The following PDZD8 variants were observed in gnomAD, a reference collection of about 807,000 sequenced individuals.
PDZD8 encodes PDZ domain containing 8, also known as PDZ domain-containing protein 8.
Under a neutral mutation model 85.8 loss-of-function variants are expected in PDZD8, and 14 were observed. That is an observed-to-expected ratio of 0.16 (90% CI 0.11 to 0.26). The LOEUF is 0.26. PDZD8 is among the 10% of genes least tolerant of loss of function. The probability of loss-of-function intolerance (pLI) is 1.00; values close to 1 mark genes in which losing one functional copy is unlikely to be tolerated. For missense variants in PDZD8, 1,197 were observed against 1,424.3 expected, an observed-to-expected ratio of 0.84 and a Z score of 2.57; for synonymous variants, 592 against 568.6, an observed-to-expected ratio of 1.04 and a Z score of -0.59.
chr10:117,312,263 G>A (rs1326613713), intron 3 of PDZD8, among the ~76,000 whole-genome samples: 7 of 152,132 alleles, frequency 4.6e-5, no homozygotes, highest in Admixed American at 3.9e-4. Context: ...CAAGTGTGGA[G>A]GAGTGAAAGC....
At chr10:117,285,804 A>G (rs1844652363) in intron 4 of PDZD8, 1 of 926,126 alleles carries the variant, frequency 1.1e-6, no homozygotes, top group Non-Finnish European at 1.3e-6. Flanking sequence ...TTTGAACTGA[A>G]GAAGTGAACA....
At chr10:117,353,506 T>C (rs566812967) in intron 1 of PDZD8, among the ~76,000 whole-genome samples, 1 of 150,680 alleles carries the variant, frequency 6.6e-6, no homozygotes, top group East Asian at 2.0e-4. Context: ...AGGAACACTA[T>C]GAAAGTCATT....
chr10:117,306,940 A>T (rs1843953882), intron 3 of PDZD8, among the ~76,000 whole-genome samples: 2 of 152,146 alleles, frequency 1.3e-5, no homozygotes, highest in Non-Finnish European at 2.9e-5. Context: ...TAACTGCCAG[A>T]GTTAGAAAGC....
chr10:117,341,134 G>A lies in PDZD8; in HGVS notation c.873-32C>T, dbSNP rs369103043. ...AAAGTAAAGATAAGTCTAAATGTCTGAATAATAAACACCACAGTTTAAAGC... is the reference window on the plus strand; with the variant it reads ...AAAGTAAAGATAAGTCTAAATGTCTAAATAATAAACACCACAGTTTAAAGC... On this transcript the variant is annotated intron_variant, in intron 1 of 4. Coordinates refer to ENST00000334464, the MANE Select transcript of PDZD8 (RefSeq NM_173791.5). The A allele has an allele frequency of 7.8e-5, 125 of 1,602,080 alleles. No individual in the cohort carries two copies. The African/African-American group carries it at 1.4e-3, about 19-fold the overall frequency.
intron 4 of PDZD8, among the ~76,000 whole-genome samples, chr10:117,287,493 C>G (rs1844685993): frequency 6.6e-6 from 1 of 152,190 alleles, no homozygotes; most frequent in African/African-American, 2.4e-5. Flanking sequence ...TCCTTTGGGA[C>G]TAAATATTCA....
At chr10:117,328,624 C>T (rs1021331302) in intron 2 of PDZD8, among the ~76,000 whole-genome samples, 1 of 151,936 alleles carries the variant, frequency 6.6e-6, no homozygotes, top group Non-Finnish European at 1.5e-5. Context: ...CACTATGTTG[C>T]CTCAAACTCT....
intron 1 of PDZD8, among the ~76,000 whole-genome samples, chr10:117,365,635 C>T (rs754811686): frequency 2.6e-5 from 4 of 152,050 alleles, no homozygotes; most frequent in Admixed American, 6.6e-5. Context: ...AAATAATTAA[C>T]GTGCATATCA....
chr10:117,316,742 T>C (rs1173142222), intron 3 of PDZD8, among the ~76,000 whole-genome samples: 1 of 152,162 alleles, frequency 6.6e-6, no homozygotes, highest in African/African-American at 2.4e-5. Flanking sequence ...TCTTGTGGAC[T>C]GGCTACATAA....
At chr10:117,312,143 T>G (rs1844049301) in intron 3 of PDZD8, among the ~76,000 whole-genome samples, 1 of 152,042 alleles carries the variant, frequency 6.6e-6, no homozygotes, top group South Asian at 2.1e-4. Flanking sequence ...AGCTAAGGTC[T>G]AACACAAGCA....
In PDZD8 at chr10:117,279,272, TG is replaced by T. The variant is rs1219288948; in HGVS notation, c.*3995del. 1.3e-5 allele frequency: 2 copies of T among 152,238 alleles called. No individual in the cohort carries two copies. The highest frequency in any genetic ancestry group is 3.8e-4 in the East Asian group (2 of 5,202). The allele number at this position is 152,238 out of a possible 1,614,324, so 9.4% of individuals were successfully genotyped here. A position where few individuals can be genotyped will look rare whatever the true frequency, so the allele number is the denominator to read the frequency against. On this transcript the variant is annotated 3_prime_UTR_variant, in exon 5 of 5. Transcript: ENST00000334464. ...CCAGAACAAAGAACATACAGCTCTC[TG>T]AACATTTATTTTTTGAACAGAGGTG...
chr10:117,331,262 A>T (rs1303685275), intron 2 of PDZD8, among the ~76,000 whole-genome samples: 1 of 152,208 alleles, frequency 6.6e-6, no homozygotes, highest in East Asian at 1.9e-4. Flanking sequence ...TAGTTGAAGC[A>T]GCTAACATTT....
chr10:117,283,185 C>T lies in PDZD8; in HGVS notation c.*83G>A, dbSNP rs575465203. The T allele has an allele frequency of 2.5e-5, 34 of 1,377,944 alleles. 1 individual carries two copies. The highest frequency in any genetic ancestry group is 5.8e-5 in the African/African-American group (4 of 68,934). 85.4% of individuals were successfully genotyped at this position (1,377,944 alleles called of 1,614,324 possible). ...CTGGAGAAGCAGGCCAGAGTGCATACGAGGATTTAAACATGGTTGTATCTG... is the reference window on the plus strand; with the variant it reads ...CTGGAGAAGCAGGCCAGAGTGCATATGAGGATTTAAACATGGTTGTATCTG... On this transcript the variant is annotated 3_prime_UTR_variant, in exon 5 of 5. Transcript: ENST00000334464.
intron 3 of PDZD8, among the ~76,000 whole-genome samples, chr10:117,305,487 C>T (rs866148109): frequency 7.3e-6 from 1 of 136,578 alleles, no homozygotes; most frequent in African/African-American, 2.8e-5. Flanking sequence ...CACACACACA[C>T]ACACACACAC....
intron 3 of PDZD8, among the ~76,000 whole-genome samples, chr10:117,317,721 C>G (rs1172808877): frequency 6.6e-6 from 1 of 152,148 alleles, no homozygotes; most frequent in South Asian, 2.1e-4. Flanking sequence ...CTAGTTATTT[C>G]AATCTTCTGA....
chr10:117,375,104 C>T lies in PDZD8; in HGVS notation c.124G>A (p.Gly42Ser), dbSNP rs115239541. ...EPPADEAARA[G>S]EGFRYIKPVP... ...GGCTTGATGTAGCGGAAGCCCTCGC[C>T]CGCGCGGGCGGCCTCGTCCGCCGGC... The change falls in exon 1 of 5, where the codon GGC becomes AGC. Residue 42 changes from glycine (G) to serine (S), a missense_variant. Coordinates refer to ENST00000334464, the MANE Select transcript of PDZD8 (RefSeq NM_173791.5). The T allele has an allele frequency of 0.028, 43,957 of 1,595,774 alleles. 713 individuals carry two copies. The highest frequency in any genetic ancestry group is 0.031 in the Non-Finnish European group (37,044 of 1,176,052).
At chr10:117,369,792 C>T (rs985164678) in intron 1 of PDZD8, among the ~76,000 whole-genome samples, 11 of 152,300 alleles carry the variant, frequency 7.2e-5, no homozygotes, top group South Asian at 2.1e-4. Context: ...GCAGCACTGG[C>T]GCTACAAGAT....
At chr10:117,350,661 T>C (rs886848126) in intron 1 of PDZD8, among the ~76,000 whole-genome samples, 6 of 150,422 alleles carry the variant, frequency 4.0e-5, no homozygotes, top group South Asian at 2.2e-4. Context: ...CCCAGCACTT[T>C]GGGAGGCCGA....
rs1344326293 is a variant in PDZD8, at chr10:117,346,251, A to G, written c.873-5149T>C. 3.3e-5 allele frequency among the ~76,000 whole-genome samples: 5 copies of G among 150,554 alleles called. No individual in the cohort carries two copies. In the East Asian group the frequency reaches 9.7e-4, roughly 29 times the overall value. On this transcript the variant is annotated intron_variant, in intron 1 of 4. Transcript: ENST00000334464. The stretch of plus-strand genomic sequence containing the variant: ...TCCGTCCAAAAAAAAAAAAAAAAAA[A>G]CTATAGGGAGGTATTATGACAATGT...
intron 1 of PDZD8, among the ~76,000 whole-genome samples, chr10:117,364,158 GACC>G (rs1845044328): frequency 6.6e-6 from 1 of 151,150 alleles, no homozygotes; most frequent in Non-Finnish European, 1.5e-5. Context: ...AACTGCTGGA[GACC>G]ACAATCAACA....
Sources: allele counts gnomAD v4.1 joint callset (sites outside exome capture counted in the v4.1 genomes callset), GRCh38; gene constraint gnomAD v4.1.1; transcripts MANE v1.5; gene names NCBI Gene and HGNC (gene_info 2026-07-23, HGNC 2026-07-21).